The following CCDC192 variants were observed in gnomAD, a reference collection of about 807,000 sequenced individuals.
The protein encoded by CCDC192 is coiled-coil domain-containing protein 192.
chr5:127,756,687 T>C (rs927158596), intron 3 of CCDC192, among the ~76,000 whole-genome samples: 1 of 152,264 alleles, frequency 6.6e-6, no homozygotes, highest in Non-Finnish European at 1.5e-5. Context: ...GCAGCTAATT[T>C]GGTAGTTCTG....
intron 3 of CCDC192, among the ~76,000 whole-genome samples, chr5:127,791,290 T>C (rs1756853118): frequency 6.6e-6 from 1 of 152,238 alleles, no homozygotes; most frequent in Non-Finnish European, 1.5e-5. Flanking sequence ...TATTGCAATA[T>C]ATTAAAAGCC....
At chr5:127,735,497 G>T (rs1752926229) in intron 2 of CCDC192, among the ~76,000 whole-genome samples, 1 of 115,076 alleles carries the variant, frequency 8.7e-6, no homozygotes, top group Admixed American at 9.1e-5. Context: ...GGATGGCATT[G>T]AATCTGTAAA....
intron 6 of CCDC192, among the ~76,000 whole-genome samples, chr5:127,913,359 T>G (rs1433205792): frequency 2.0e-5 from 3 of 152,258 alleles, no homozygotes; most frequent in Non-Finnish European, 4.4e-5. Context: ...CCATCTGTGA[T>G]AAACCTACGT....
At chr5:127,707,351 A>T (rs754262016) in intron 1 of CCDC192, among the ~76,000 whole-genome samples, 2 of 152,066 alleles carry the variant, frequency 1.3e-5, no homozygotes, top group South Asian at 2.1e-4. Context: ...AGTGTAGGAG[A>T]CAAAGAATTC....
intron 6 of CCDC192, among the ~76,000 whole-genome samples, chr5:127,898,002 T>C (rs1212903786): frequency 1.3e-5 from 2 of 152,178 alleles, no homozygotes; most frequent in Non-Finnish European, 2.9e-5. Context: ...ATGATTAACA[T>C]AGGAACTTAA....
At chr5:127,886,180 C>T (rs753606662) in intron 6 of CCDC192, among the ~76,000 whole-genome samples, 4 of 152,198 alleles carry the variant, frequency 2.6e-5, no homozygotes, top group Non-Finnish European at 5.9e-5. Context: ...GAAGTCCTGC[C>T]ATGCCAAGCT....
intron 6 of CCDC192, among the ~76,000 whole-genome samples, chr5:127,897,183 T>C (rs1231048427): frequency 6.6e-6 from 1 of 152,030 alleles, no homozygotes; most frequent in Non-Finnish European, 1.5e-5. Context: ...TTTGATTCCA[T>C]CTAACGAACT....
chr5:127,757,302 T>C (rs1185958946), intron 3 of CCDC192, among the ~76,000 whole-genome samples: 1 of 152,222 alleles, frequency 6.6e-6, no homozygotes, highest in Non-Finnish European at 1.5e-5. Context: ...CAAGTGAGTT[T>C]AATTGGAAGT....
chr5:127,862,160 C>G (rs545868441), intron 5 of CCDC192, among the ~76,000 whole-genome samples: 1 of 152,296 alleles, frequency 6.6e-6, no homozygotes, highest in African/African-American at 2.4e-5. Context: ...AATTCCTTAA[C>G]TGCACTGCAA....
At chr5:127,810,267 C>G (rs992772089) in intron 5 of CCDC192, among the ~76,000 whole-genome samples, 15 of 152,136 alleles carry the variant, frequency 9.9e-5, no homozygotes, top group Non-Finnish European at 2.2e-4. Flanking sequence ...TAGTGTCATT[C>G]TGTGATAAAA....
At chr5:127,780,080 GAGT>G (rs1756108039) in intron 3 of CCDC192, among the ~76,000 whole-genome samples, 1 of 152,002 alleles carries the variant, frequency 6.6e-6, no homozygotes, top group Non-Finnish European at 1.5e-5. Flanking sequence ...TTTTATGGCT[GAGT>G]AGTATTCCAT....
At chr5:127,712,166 G>A (rs1197692375) in intron 2 of CCDC192, among the ~76,000 whole-genome samples, 4 of 152,124 alleles carry the variant, frequency 2.6e-5, no homozygotes, top group African/African-American at 4.8e-5. Context: ...CCATGTTGTA[G>A]TGTGTATCAA....
At chr5:127,896,951 C>A (rs560917323) in intron 6 of CCDC192, among the ~76,000 whole-genome samples, 86 of 152,156 alleles carry the variant, frequency 5.7e-4, no homozygotes, top group African/African-American at 2.0e-3. Context: ...ATAATGCTTT[C>A]TTTGAATTGA....
chr5:127,772,402 C>G (rs150057293), intron 3 of CCDC192, among the ~76,000 whole-genome samples: 1 of 147,952 alleles, frequency 6.8e-6, no homozygotes, highest in Non-Finnish European at 1.5e-5. Flanking sequence ...GGGGTGCGGA[C>G]GTTGAGGTGA....
chr5:127,878,601 A>T (rs866527604), intron 6 of CCDC192, among the ~76,000 whole-genome samples: 1 of 152,200 alleles, frequency 6.6e-6, no homozygotes, highest in Non-Finnish European at 1.5e-5. Context: ...GGTTGCAGTG[A>T]GCTGAGATCG....
At chr5:127,903,185 G>C (rs542924966) in intron 6 of CCDC192, among the ~76,000 whole-genome samples, 2 of 151,882 alleles carry the variant, frequency 1.3e-5, no homozygotes, top group African/African-American at 2.4e-5. Context: ...AGCAGGATAA[G>C]AACTCCTCTT....
At chr5:127,772,728 C>T (rs1200512078) in intron 3 of CCDC192, among the ~76,000 whole-genome samples, 1 of 152,120 alleles carries the variant, frequency 6.6e-6, no homozygotes, top group Admixed American at 6.5e-5. Context: ...GGAAATGAAA[C>T]AAACATGACT....
chr5:127,928,972 G>A (rs990468288), intron 6 of CCDC192, among the ~76,000 whole-genome samples: 6 of 151,844 alleles, frequency 4.0e-5, no homozygotes, highest in East Asian at 1.9e-4. Context: ...TCACCAGGCT[G>A]GCCAGGCTGG....
At chr5:127,855,525 TTG>T (rs1327092814) in intron 5 of CCDC192, among the ~76,000 whole-genome samples, 1 of 152,254 alleles carries the variant, frequency 6.6e-6, no homozygotes, top group Non-Finnish European at 1.5e-5. Flanking sequence ...TGTTGATATT[TTG>T]ACCTTCTCCC....
Sources: gnomAD v4.1 joint callset for allele counts (sites outside exome capture counted in the v4.1 genomes callset) on GRCh38, gnomAD v4.1.1 for gene constraint, MANE v1.5 for transcripts, NCBI Gene and HGNC (gene_info 2026-07-23, HGNC 2026-07-21) for gene names.